The following KAZN variants were observed in gnomAD, a reference collection of about 807,000 sequenced individuals.
KAZN encodes kazrin.
A neutral mutation model predicts 87.4 loss-of-function variants in KAZN; 40 were observed. The observed-to-expected ratio is 0.46, with a 90% confidence interval of 0.36 to 0.60. The LOEUF (loss-of-function observed/expected upper bound fraction) is 0.60. KAZN is among the 20% of genes least tolerant of loss of function. The pLI is 0.00. For synonymous variants in KAZN, 466 were observed against 458.3 expected, an observed-to-expected ratio of 1.02 and a Z score of -0.22; for missense variants, 898 against 1,073.9, an observed-to-expected ratio of 0.84 and a Z score of 2.29.
At chr1:14,210,295 T>C (rs1344483465) in intron 2 of KAZN, among the ~76,000 whole-genome samples, 1 of 152,180 alleles carries the variant, frequency 6.6e-6, no homozygotes, top group South Asian at 2.1e-4. Context: ...ATGTAAGATG[T>C]GCCTTTGCTC....
intron 1 of KAZN, among the ~76,000 whole-genome samples, chr1:14,173,924 G>A (rs1646012495): frequency 6.6e-6 from 1 of 152,148 alleles, no homozygotes; most frequent in Admixed American, 6.5e-5. Context: ...TATTAGAAGA[G>A]GGAAATAGAT....
intron 2 of KAZN, among the ~76,000 whole-genome samples, chr1:14,215,223 C>G (rs916903738): frequency 2.6e-5 from 4 of 152,034 alleles, no homozygotes; most frequent in African/African-American, 4.8e-5. Flanking sequence ...TGTTTGACAC[C>G]AATTCATTAG....
At chr1:14,053,559 C>G (rs146950748) in intron 1 of KAZN, among the ~76,000 whole-genome samples, 3 of 152,188 alleles carry the variant, frequency 2.0e-5, no homozygotes, top group Non-Finnish European at 4.4e-5. Flanking sequence ...TCTGATGACA[C>G]TTATTGAAAT....
At chr1:14,648,476 A>AG (rs1337881948) in intron 1 of KAZN, among the ~76,000 whole-genome samples, 5 of 152,204 alleles carry the variant, frequency 3.3e-5, no homozygotes, top group African/African-American at 1.2e-4. Flanking sequence ...ATGCAATGGT[A>AG]GGACATCTGA....
intron 1 of KAZN, among the ~76,000 whole-genome samples, chr1:14,012,530 T>C (rs1332649690): frequency 1.3e-5 from 2 of 152,132 alleles, no homozygotes; most frequent in East Asian, 1.9e-4. Flanking sequence ...AAAATACATA[T>C]TAGGCTGGGC....
chr1:14,682,028 TA>T (rs1388949465), intron 1 of KAZN, among the ~76,000 whole-genome samples: 11 of 151,958 alleles, frequency 7.2e-5, no homozygotes, highest in African/African-American at 2.7e-4. Flanking sequence ...AGCATTAAGT[TA>T]CATCCACATT....
intron 1 of KAZN, among the ~76,000 whole-genome samples, chr1:14,703,891 A>T (rs1047503818): frequency 6.6e-6 from 1 of 152,208 alleles, no homozygotes; most frequent in African/African-American, 2.4e-5. Flanking sequence ...TCTCTAAAAA[A>T]ATGAAAAATA....
intron 1 of KAZN, among the ~76,000 whole-genome samples, chr1:13,928,676 G>A (rs1480134475): frequency 6.6e-6 from 1 of 152,210 alleles, no homozygotes; most frequent in Non-Finnish European, 1.5e-5. Flanking sequence ...GCAAGGCTCT[G>A]CATGGGGATG....
chr1:14,043,745 C>G (rs1382922798), intron 1 of KAZN, among the ~76,000 whole-genome samples: 1 of 152,088 alleles, frequency 6.6e-6, no homozygotes, highest in Non-Finnish European at 1.5e-5. Flanking sequence ...ATCCTCACAT[C>G]AACTCGGAGG....
chr1:13,972,747 A>G (rs1642183198), intron 1 of KAZN, among the ~76,000 whole-genome samples: 1 of 152,200 alleles, frequency 6.6e-6, no homozygotes, highest in Non-Finnish European at 1.5e-5. Flanking sequence ...ACTGGAATCA[A>G]AACATCTGGA....
chr1:14,620,481 A>G (rs996620410), intron 1 of KAZN, among the ~76,000 whole-genome samples: 8 of 152,222 alleles, frequency 5.3e-5, no homozygotes, highest in Non-Finnish European at 8.8e-5. Flanking sequence ...AGAAGCTGGA[A>G]TAGGTTTCCA....
intron 1 of KAZN, among the ~76,000 whole-genome samples, chr1:14,860,149 T>C (rs973966308): frequency 1.1e-4 from 17 of 151,626 alleles, no homozygotes; most frequent in Non-Finnish European, 2.2e-4. Flanking sequence ...CTTCCTTCCT[T>C]CCCTCCCTCC....
intron 8 of KAZN, among the ~76,000 whole-genome samples, chr1:15,082,634 A>G (rs1640061109): frequency 6.6e-6 from 1 of 152,190 alleles, no homozygotes; most frequent in African/African-American, 2.4e-5. Flanking sequence ...CTCGCCATGC[A>G]GGGTGGGCAT....
chr1:15,050,064 G>GTAGAGTACAGTAGAGTACA (rs1557756656), intron 4 of KAZN, among the ~76,000 whole-genome samples: 18 of 79,548 alleles, frequency 2.3e-4, no homozygotes, highest in African/African-American at 1.4e-3. Flanking sequence ...GGTAGGGTAG[G>GTAGAGTACAGTAGAGTACA]GTAGAGTAGA....
chr1:14,842,774 T>C (rs1648170011), intron 1 of KAZN, among the ~76,000 whole-genome samples: 1 of 152,238 alleles, frequency 6.6e-6, no homozygotes, highest in Non-Finnish European at 1.5e-5. Flanking sequence ...TTTATTAAAG[T>C]AATACATGCA....
At chr1:14,804,915 G>C (rs1646157434) in intron 1 of KAZN, among the ~76,000 whole-genome samples, 1 of 152,192 alleles carries the variant, frequency 6.6e-6, no homozygotes, top group Non-Finnish European at 1.5e-5. Flanking sequence ...AGGTCTTGGT[G>C]ACCAGCTTGG....
chr1:14,257,685 A>G (rs971206896), intron 2 of KAZN, among the ~76,000 whole-genome samples: 7 of 149,246 alleles, frequency 4.7e-5, no homozygotes, highest in African/African-American at 1.2e-4. Context: ...AGCTTTCTAC[A>G]TATGGCTAGC....
chr1:14,739,771 C>T (rs1441960571), intron 1 of KAZN, among the ~76,000 whole-genome samples: 5 of 151,974 alleles, frequency 3.3e-5, no homozygotes, highest in African/African-American at 7.3e-5. Flanking sequence ...TGGAAAGCTT[C>T]GAATTTCCTC....
intron 1 of KAZN, among the ~76,000 whole-genome samples, chr1:14,934,497 G>A (rs1030768233): frequency 6.6e-6 from 1 of 152,216 alleles, no homozygotes; most frequent in Non-Finnish European, 1.5e-5. Flanking sequence ...GAGCCACTGC[G>A]CCCGGCCCTC....
Sources: allele counts gnomAD v4.1 joint callset (sites outside exome capture counted in the v4.1 genomes callset), GRCh38; gene constraint gnomAD v4.1.1; transcripts MANE v1.5; gene names NCBI Gene and HGNC (gene_info 2026-07-23, HGNC 2026-07-21).